Variants in RNF111 observed in about 807,000 individuals in gnomAD.
RNF111 encodes E3 ubiquitin-protein ligase Arkadia.
RNF111 carries 17 observed loss-of-function variants against 95.1 expected under a neutral mutation model. That is an observed-to-expected ratio of 0.18 (90% CI 0.12 to 0.27). The LOEUF is 0.27. RNF111 is among the 10% of genes least tolerant of loss of function. RNF111 has a pLI of 1.00. For missense variants in RNF111, 1,189 were observed against 1,210.4 expected (o/e 0.98, Z 0.26); for synonymous variants, 440 against 414.8 (o/e 1.06, Z -0.74).
At chr15:59,009,427 G>T (rs2039689015) in intron 1 of RNF111, among the ~76,000 whole-genome samples, 1 of 151,598 alleles carries the variant, frequency 6.6e-6, no homozygotes, top group Admixed American at 6.6e-5. Context: ...TGACCAAATG[G>T]TGATGACTTA....
chr15:59,021,587 G>A (rs1276038916), intron 1 of RNF111, among the ~76,000 whole-genome samples: 1 of 152,098 alleles, frequency 6.6e-6, no homozygotes, highest in African/African-American at 2.4e-5. Context: ...TGCTTTGTTA[G>A]GTACTCTCAT....
At chr15:59,051,513 C>T (rs1258777406) in intron 2 of RNF111, among the ~76,000 whole-genome samples, 4 of 149,684 alleles carry the variant, frequency 2.7e-5, no homozygotes, top group African/African-American at 9.8e-5. Context: ...CAGTGGCTCA[C>T]GCCTATAATC....
intron 1 of RNF111, among the ~76,000 whole-genome samples, chr15:59,017,885 G>A (rs1160583894): frequency 1.6e-4 from 24 of 151,144 alleles, no homozygotes; most frequent in African/African-American, 5.6e-4. Context: ...AGCCTCCCGA[G>A]TAGCTGGGAT....
At chr15:59,014,272 A>C (rs1412839109) in intron 1 of RNF111, among the ~76,000 whole-genome samples, 5 of 151,978 alleles carry the variant, frequency 3.3e-5, no homozygotes, top group African/African-American at 1.2e-4. Context: ...TTGTATTTTC[A>C]ATGCCCTGGT....
Position 59,037,556 on chromosome 15 carries a change from G to C in RNF111, c.880+5854G>C, listed in dbSNP as rs545319842. Among the ~76,000 whole-genome samples, 5 of 152,302 alleles carry C rather than the reference G, an allele frequency of 3.3e-5. No homozygotes were observed. In the East Asian group the frequency reaches 9.6e-4, roughly 29 times the overall value. On this transcript the variant is annotated intron_variant, in intron 2 of 13. Transcript: ENST00000348370. Reference sequence around the variant, plus strand: ...ATTAACTTTAAAATTAATAGGTATTGCCGGGCGTGGTGGCTCACACCTGTA... The same window carrying C: ...ATTAACTTTAAAATTAATAGGTATTCCCGGGCGTGGTGGCTCACACCTGTA...
chr15:59,064,458 C>G (rs2042569881), intron 5 of RNF111, among the ~76,000 whole-genome samples: 1 of 149,172 alleles, frequency 6.7e-6, no homozygotes, highest in South Asian at 2.1e-4. Context: ...ATGGCGTGAA[C>G]CCGGGAGGCA....
At chr15:59,069,616 C>G (rs2042820463) in intron 6 of RNF111, among the ~76,000 whole-genome samples, 1 of 152,080 alleles carries the variant, frequency 6.6e-6, no homozygotes, top group South Asian at 2.1e-4. Flanking sequence ...GCAAACAAAA[C>G]TTGAGAAGAA....
intron 8 of RNF111, among the ~76,000 whole-genome samples, chr15:59,081,978 C>A (rs959723829): frequency 6.6e-6 from 1 of 152,126 alleles, no homozygotes; most frequent in Admixed American, 6.5e-5. Flanking sequence ...TGCAGTGGTG[C>A]AACCATAGTT....
intron 4 of RNF111, among the ~76,000 whole-genome samples, chr15:59,056,112 T>A (rs577889673): frequency 6.6e-6 from 1 of 152,198 alleles, no homozygotes; most frequent in South Asian, 2.1e-4. Flanking sequence ...CTCAAACTAG[T>A]TTAGTTTGAT....
rs1480262239 is a variant in RNF111 at position 59,052,082 on chromosome 15, A to C, written c.881-223A>C. On this transcript the variant is annotated intron_variant, in intron 2 of 13. Transcript: ENST00000348370. Reference sequence around the variant, plus strand: ...TGTAATGAATACAACAAATCCATAGAAGAGGAAGTAAACATGCAAAGAAGT... The same window carrying C: ...TGTAATGAATACAACAAATCCATAGCAGAGGAAGTAAACATGCAAAGAAGT... Among the ~76,000 whole-genome samples the C allele has an allele frequency of 2.0e-5, 3 of 152,208 alleles. No homozygotes were observed. The East Asian group carries it at 5.8e-4, about 29-fold the overall frequency.
chr15:59,027,669 C>CA (rs2040687136), intron 1 of RNF111, among the ~76,000 whole-genome samples: 1 of 151,914 alleles, frequency 6.6e-6, no homozygotes, highest in Non-Finnish European at 1.5e-5. Flanking sequence ...GCTGGGATTA[C>CA]AGGTGCCTGC....
intron 5 of RNF111, among the ~76,000 whole-genome samples, chr15:59,062,074 C>T (rs1165096895): frequency 6.8e-5 from 10 of 146,426 alleles, no homozygotes; most frequent in South Asian, 2.2e-4. Context: ...TTTTTTTCCC[C>T]GAGACAGGGT....
intron 2 of RNF111, among the ~76,000 whole-genome samples, chr15:59,038,952 T>C (rs1393373216): frequency 6.6e-6 from 1 of 152,116 alleles, no homozygotes; most frequent in Non-Finnish European, 1.5e-5. Context: ...ATTCATTATA[T>C]TAGGGGTGCA....
At chr15:59,006,563 TCTCCC>T (rs2039548088) in intron 1 of RNF111, among the ~76,000 whole-genome samples, 2 of 152,212 alleles carry the variant, frequency 1.3e-5, no homozygotes, top group Admixed American at 1.3e-4. Context: ...TGAACGCCCA[TCTCCC>T]TGCCACCTAG....
chr15:59,019,314 T>C (rs1467291118), intron 1 of RNF111, among the ~76,000 whole-genome samples: 1 of 152,286 alleles, frequency 6.6e-6, no homozygotes, highest in Non-Finnish European at 1.5e-5. Flanking sequence ...TTACTTTGAA[T>C]GGATCCTTAG....
At chr15:59,072,642 C>T (rs562004006) in intron 6 of RNF111, among the ~76,000 whole-genome samples, 9 of 151,458 alleles carry the variant, frequency 5.9e-5, no homozygotes, top group Non-Finnish European at 1.0e-4. Context: ...TTAGTAGAGA[C>T]GGGGTTTCAC....
intron 6 of RNF111, among the ~76,000 whole-genome samples, chr15:59,067,823 A>G (rs2142088056): frequency 6.6e-6 from 1 of 152,284 alleles, no homozygotes; most frequent in East Asian, 1.9e-4. Context: ...TGTAGAGTTC[A>G]CTATAACCTT....
At chr15:59,032,349 T>A (rs1567230001) in intron 2 of RNF111, among the ~76,000 whole-genome samples, 1 of 152,210 alleles carries the variant, frequency 6.6e-6, no homozygotes. Context: ...TATGAATACT[T>A]TTTCAGCTAC....
At chr15:59,026,030 G>A (rs549275837) in intron 1 of RNF111, among the ~76,000 whole-genome samples, 227 of 151,466 alleles carry the variant, frequency 1.5e-3, no homozygotes, top group African/African-American at 5.3e-3. Context: ...GTGCCCGGCC[G>A]GCTTTTTTTT....
Sources: allele counts gnomAD v4.1 joint callset (sites outside exome capture counted in the v4.1 genomes callset), GRCh38; gene constraint gnomAD v4.1.1; transcripts MANE v1.5; gene names NCBI Gene and HGNC (gene_info 2026-07-23, HGNC 2026-07-21).